DLG2: variants seen among roughly 807,000 people sequenced by gnomAD.
DLG2 encodes disks large homolog 2.
Under a neutral mutation model 132.5 loss-of-function variants are expected in DLG2, and 45 were observed. The ratio of observed to expected loss-of-function variants is 0.34; its 90% CI spans 0.27 to 0.44. The LOEUF is 0.44. DLG2 is among the 20% of genes least tolerant of loss of function. The pLI is 1.00. For synonymous variants in DLG2, 424 were observed against 419.6 expected (o/e 1.01, Z -0.13); for missense variants, 1,045 against 1,196.9 (o/e 0.87, Z 1.87).
intron 6 of DLG2, among the ~76,000 whole-genome samples, chr11:84,553,818 T>C (rs1202595675): frequency 6.6e-6 from 1 of 152,212 alleles, no homozygotes; most frequent in African/African-American, 2.4e-5. Flanking sequence ...GATAATTTCT[T>C]CTTAAAATTG....
intron 6 of DLG2, among the ~76,000 whole-genome samples, chr11:84,933,622 A>T (rs1262667292): frequency 6.6e-6 from 1 of 152,030 alleles, no homozygotes; most frequent in East Asian, 1.9e-4. Flanking sequence ...TTTTGGTGGC[A>T]GTTGTGAATG....
intron 18 of DLG2, among the ~76,000 whole-genome samples, chr11:83,768,125 T>C (rs1264583076): frequency 6.6e-6 from 1 of 152,204 alleles, no homozygotes; most frequent in African/African-American, 2.4e-5. Flanking sequence ...TCATCCTTCT[T>C]AGCCTTTTTC....
intron 7 of DLG2, among the ~76,000 whole-genome samples, chr11:84,496,823 C>T (rs2099185758): frequency 6.6e-6 from 1 of 151,996 alleles, no homozygotes; most frequent in Non-Finnish European, 1.5e-5. Context: ...TTTAATTAGC[C>T]TCATACTGTA....
At chr11:84,457,123 G>A (rs1221763669) in intron 7 of DLG2, among the ~76,000 whole-genome samples, 1 of 151,134 alleles carries the variant, frequency 6.6e-6, no homozygotes, top group African/African-American at 2.4e-5. Context: ...AAAACCATAT[G>A]TGACCTCCTA....
chr11:84,747,053 A>G (rs2065468512), intron 6 of DLG2, among the ~76,000 whole-genome samples: 1 of 152,146 alleles, frequency 6.6e-6, no homozygotes, highest in Non-Finnish European at 1.5e-5. Flanking sequence ...GATAGCATTA[A>G]CCTTAGACAA....
intron 8 of DLG2, among the ~76,000 whole-genome samples, chr11:84,182,854 C>T (rs929773772): frequency 6.7e-6 from 1 of 149,652 alleles, no homozygotes; most frequent in Admixed American, 6.6e-5. Context: ...TCTAGCTAGG[C>T]TAATTAAGAA....
chr11:85,377,411 G>C (rs1270794408), intron 3 of DLG2, among the ~76,000 whole-genome samples: 6 of 152,092 alleles, frequency 3.9e-5, no homozygotes, highest in Non-Finnish European at 8.8e-5. Flanking sequence ...ATTGTGCTTT[G>C]AGATGAGAAT....
At chr11:85,623,936 C>T (rs1379521942) in intron 2 of DLG2, among the ~76,000 whole-genome samples, 2 of 152,166 alleles carry the variant, frequency 1.3e-5, no homozygotes, top group African/African-American at 4.8e-5. Context: ...ACTAATACAA[C>T]TTATCCTGAA....
intron 8 of DLG2, among the ~76,000 whole-genome samples, chr11:84,169,333 T>C (rs1392784631): frequency 1.3e-5 from 2 of 152,354 alleles, no homozygotes; most frequent in African/African-American, 2.4e-5. Flanking sequence ...TCAATAATGA[T>C]AGCTATTATT....
intron 6 of DLG2, among the ~76,000 whole-genome samples, chr11:84,858,765 T>C (rs1416486991): frequency 6.6e-6 from 1 of 152,100 alleles, no homozygotes; most frequent in Non-Finnish European, 1.5e-5. Context: ...GTCTTTTTAA[T>C]AAAAATATAC....
At chr11:84,699,715 C>T (rs1308012243) in intron 6 of DLG2, among the ~76,000 whole-genome samples, 1 of 151,550 alleles carries the variant, frequency 6.6e-6, no homozygotes, top group East Asian at 1.9e-4. Context: ...TGGGTACTGA[C>T]TCTGCTTTCT....
chr11:84,442,839 G>A (rs1490834782), intron 7 of DLG2, among the ~76,000 whole-genome samples: 2 of 151,896 alleles, frequency 1.3e-5, no homozygotes, highest in Non-Finnish European at 2.9e-5. Context: ...AATATTAGCT[G>A]GAAAAAGTGC....
At chr11:85,480,582 G>C (rs896313569) in intron 3 of DLG2, among the ~76,000 whole-genome samples, 3 of 152,100 alleles carry the variant, frequency 2.0e-5, no homozygotes, top group African/African-American at 7.2e-5. Context: ...TGTGTAATGA[G>C]AGCATATGCA....
At chr11:84,143,389 G>C (rs531267553) in intron 9 of DLG2, among the ~76,000 whole-genome samples, 1 of 152,166 alleles carries the variant, frequency 6.6e-6, no homozygotes, top group South Asian at 2.1e-4. Context: ...AAATCTGATT[G>C]GTAATATTGA....
chr11:85,014,459 GA>G (rs1459716512), intron 6 of DLG2, among the ~76,000 whole-genome samples: 1 of 152,116 alleles, frequency 6.6e-6, no homozygotes, highest in Non-Finnish European at 1.5e-5. Flanking sequence ...CAGATGGAAA[GA>G]AAAAGCATCT....
intron 3 of DLG2, among the ~76,000 whole-genome samples, chr11:85,377,003 A>G (rs969729321): frequency 6.6e-6 from 1 of 152,038 alleles, no homozygotes; most frequent in Non-Finnish European, 1.5e-5. Flanking sequence ...TTCTCAAACA[A>G]CTCCATGAAA....
At chr11:85,312,510 T>A (rs889907778) in intron 3 of DLG2, among the ~76,000 whole-genome samples, 8 of 151,820 alleles carry the variant, frequency 5.3e-5, no homozygotes, top group Non-Finnish European at 4.4e-5. Context: ...AATTTGATAA[T>A]GATCATTGTT....
chr11:84,410,199 C>G (rs558063730), intron 7 of DLG2, among the ~76,000 whole-genome samples: 46 of 152,036 alleles, frequency 3.0e-4, no homozygotes, highest in Non-Finnish European at 5.3e-4. Context: ...AAGTGAGGCT[C>G]AGAGAGGTTA....
At chr11:83,991,883 G>C (rs539497634) in intron 11 of DLG2, among the ~76,000 whole-genome samples, 2 of 152,278 alleles carry the variant, frequency 1.3e-5, no homozygotes, top group African/African-American at 4.8e-5. Context: ...TTGCAGATGT[G>C]ACTTAAGAAG....
Sources: allele counts gnomAD v4.1 joint callset (sites outside exome capture counted in the v4.1 genomes callset), GRCh38; gene constraint gnomAD v4.1.1; transcripts MANE v1.5; gene names NCBI Gene and HGNC (gene_info 2026-07-23, HGNC 2026-07-21).